CCDC88C: variants seen among roughly 807,000 people sequenced by gnomAD.
CCDC88C encodes the protein coiled-coil and HOOK domain protein 88C, also known as protein Daple.
A neutral mutation model predicts 198.8 loss-of-function variants in CCDC88C; 131 were observed. The ratio of observed to expected loss-of-function variants is 0.66; its 90% CI spans 0.57 to 0.76. The LOEUF (loss-of-function observed/expected upper bound fraction) is 0.76, where lower values mean the gene tolerates loss of function less well. Among genes scored for constraint, CCDC88C ranks in the 30% least tolerant of loss-of-function variants. The pLI, the probability that CCDC88C is intolerant of heterozygous loss-of-function variation, is 0.00. For missense variants in CCDC88C, 2,553 were observed against 2,631.6 expected (o/e 0.97, Z 0.65); for synonymous variants, 1,166 against 1,114.7 (o/e 1.05, Z -0.92).
Position 91,338,426 on chromosome 14 carries a change from C to A in CCDC88C, c.891+63G>T. ...CTGTTGAGCTCCTGACCCTCCAGGCCCCGTTACTGGACACTCCAGCCCTGC... is the reference window on the plus strand; with the variant it reads ...CTGTTGAGCTCCTGACCCTCCAGGCACCGTTACTGGACACTCCAGCCCTGC... On this transcript the variant is annotated intron_variant, in intron 9 of 29. Transcript: ENST00000389857. This position sits in a 1 kb window ranked among gnomAD's most constrained non-coding sequence, Gnocchi z 4.8. 5 of 1,401,798 alleles carry A rather than the reference C, an allele frequency of 3.6e-6. No individual in the cohort carries two copies. The highest frequency in any genetic ancestry group is 1.2e-5 in the South Asian group (1 of 80,966). The allele number at this position is 1,401,798 out of a possible 1,614,324, so 86.8% of individuals were successfully genotyped here.
chr14:91,279,109 A>T, intron 28 of CCDC88C, 129 bp downstream of exon 28: 1 of 729,388 alleles, frequency 1.4e-6, no homozygotes, highest in Non-Finnish European at 2.4e-6. Context: ...CATGTTTCCC[A>T]GGCTGGTTTC....
intron 10 of CCDC88C, among the ~76,000 whole-genome samples, chr14:91,327,150 T>A (rs1457168898): frequency 7.2e-5 from 11 of 152,230 alleles, no homozygotes; most frequent in Admixed American, 7.2e-4. Flanking sequence ...GCCAGGAACG[T>A]GTACGCTTCT....
chr14:91,289,192 T>C lies in CCDC88C; in HGVS notation c.4354A>G (p.Arg1452Gly). 6.2e-7 allele frequency: 1 copy of C among 1,613,968 alleles called. No homozygotes were observed. Among genetic ancestry groups the C allele is most frequent in the Admixed American group, 1.7e-5 (1 of 60,024 alleles). Residue 1452 changes from arginine (R) to glycine (G), a missense_variant, in exon 25 of 30, where the codon AGA becomes GGA. Physicochemically the swap from Arg to Gly is moderately radical, Grantham distance 125 (BLOSUM62 -2). This residue lies in a region of CCDC88C where 1,293 missense variants were observed against 1,219.6 expected (regional missense o/e 1.06). Transcript: ENST00000389857. ...PASPAASQPL[R>G]SQAENPDTPA... The stretch of plus-strand genomic sequence containing the variant: ...GTGTCGGGGTTCTCGGCCTGTGATC[T>C]GAGCGGCTGAGAGGCCGCCGGCGAG...
chr14:91,412,635 CTG>C (rs1180780210), intron 2 of CCDC88C, among the ~76,000 whole-genome samples: 1 of 152,030 alleles, frequency 6.6e-6, no homozygotes, highest in East Asian at 1.9e-4. Context: ...CGGGGTTTCA[CTG>C]TGTTAGCCAG....
At chr14:91,310,963 C>T (rs1891793786) in intron 15 of CCDC88C, among the ~76,000 whole-genome samples, 2 of 152,224 alleles carry the variant, frequency 1.3e-5, no homozygotes, top group Non-Finnish European at 2.9e-5. Context: ...AGCCAGGTCA[C>T]CAGCTCTGGC....
chr14:91,274,258 AG>A (rs1567044054), intron 29 of CCDC88C, among the ~76,000 whole-genome samples: 1 of 152,094 alleles, frequency 6.6e-6, no homozygotes, highest in African/African-American at 2.4e-5. Context: ...AGGGTCCAGA[AG>A]GGGGAATGGT....
chr14:91,389,640 G>C (rs1222656469), intron 3 of CCDC88C, among the ~76,000 whole-genome samples: 1 of 151,666 alleles, frequency 6.6e-6, no homozygotes, highest in Non-Finnish European at 1.5e-5. Context: ...AGCACTTTGG[G>C]AGGCCGAGGC....
intron 20 of CCDC88C, among the ~76,000 whole-genome samples, chr14:91,302,697 G>A (rs1321062223): frequency 6.6e-6 from 1 of 152,220 alleles, no homozygotes; most frequent in Non-Finnish European, 1.5e-5. Context: ...ACTGTCGAGA[G>A]TGCATGATGC....
chr14:91,289,203 G>C lies in CCDC88C; in HGVS notation c.4343C>G (p.Ser1448Cys), dbSNP rs1269234424. 1.2e-6 allele frequency: 2 copies of C among 1,614,032 alleles called. No individual in the cohort carries two copies. The highest frequency in any genetic ancestry group is 1.7e-6 in the Non-Finnish European group (2 of 1,179,890). ...ESSDPASPAA[S>C]QPLRSQAENP... ...CTCGGCCTGTGATCTGAGCGGCTGAGAGGCCGCCGGCGAGGCGGGGTCTGA... is the reference window on the plus strand; with the variant it reads ...CTCGGCCTGTGATCTGAGCGGCTGACAGGCCGCCGGCGAGGCGGGGTCTGA... Residue 1448 changes from serine to cysteine, a missense_variant, in exon 25 of 30, where the codon TCT becomes TGT. Ser to Cys is a moderately radical substitution (Grantham distance 112). Around this residue, in one of 2 missense-constraint regions of CCDC88C, gnomAD observed 1,293 missense variants for 1,219.6 expected, o/e 1.06. Coordinates refer to ENST00000389857, the MANE Select transcript of CCDC88C (RefSeq NM_001080414.4).
In CCDC88C at chr14:91,352,945, G is replaced by T. The variant is rs2139890028; in HGVS notation, c.340+6697C>A. Among the ~76,000 whole-genome samples the T allele has an allele frequency of 6.6e-6, 1 of 152,340 alleles. No homozygotes were observed. Among genetic ancestry groups the T allele is most frequent in the South Asian group, 2.1e-4 (1 of 4,830 alleles). On this transcript the variant is annotated intron_variant, in intron 4 of 29. Transcript: ENST00000389857. This position sits in a 1 kb window ranked among gnomAD's most constrained non-coding sequence, Gnocchi z 4.2. ...GGGTTGCCAGGATGGAGGTCAGTAA[G>T]CCTGGGGCACACCCAGCCCTCACAA...
intron 10 of CCDC88C, among the ~76,000 whole-genome samples, chr14:91,329,694 TTTCCTCATCTGA>T (rs1892732455): frequency 6.6e-6 from 1 of 152,234 alleles, no homozygotes; most frequent in East Asian, 1.9e-4. Flanking sequence ...CAATTGTCAG[TTTCCTCATCTGA>T]AAAGAGGGGA....
chr14:91,276,918 G>A (rs1596012835), intron 29 of CCDC88C, among the ~76,000 whole-genome samples: 1 of 152,240 alleles, frequency 6.6e-6, no homozygotes, highest in Admixed American at 6.5e-5. Context: ...GCCAAATCCA[G>A]CTAGCCGCCT....
intron 2 of CCDC88C, among the ~76,000 whole-genome samples, chr14:91,410,383 G>A (rs1164480875): frequency 1.3e-5 from 2 of 152,116 alleles, no homozygotes. Flanking sequence ...GGGAGTTAAG[G>A]AAATCAATCT....
chr14:91,387,720 G>A (rs373138195), intron 3 of CCDC88C, among the ~76,000 whole-genome samples: 10 of 152,328 alleles, frequency 6.6e-5, no homozygotes, highest in African/African-American at 2.4e-4. Context: ...AAGATTCCTG[G>A]TTGATGCCTG....
At chr14:91,398,611 C>T (rs1240769011) in intron 3 of CCDC88C, among the ~76,000 whole-genome samples, 1 of 152,100 alleles carries the variant, frequency 6.6e-6, no homozygotes, top group Non-Finnish European at 1.5e-5. Flanking sequence ...GAGCTATGAT[C>T]GCGCCACTGC....
At chr14:91,340,806 A>G (rs1229800522) in intron 6 of CCDC88C, among the ~76,000 whole-genome samples, 1 of 152,198 alleles carries the variant, frequency 6.6e-6, no homozygotes, top group Admixed American at 6.5e-5. Flanking sequence ...AAAAAAACTC[A>G]GCTTGAGCAA....
chr14:91,287,389 C>T (rs1296682048), intron 25 of CCDC88C, among the ~76,000 whole-genome samples: 8 of 152,170 alleles, frequency 5.3e-5, no homozygotes, highest in Admixed American at 2.0e-4. Flanking sequence ...GTCACTCTGT[C>T]ACCCAGGCTG....
chr14:91,370,613 A>G (rs1172376463), intron 3 of CCDC88C, among the ~76,000 whole-genome samples: 1 of 152,208 alleles, frequency 6.6e-6, no homozygotes, highest in Admixed American at 6.5e-5. Context: ...CTCTGCCCAT[A>G]AACAGTAGTT....
rs182657584 is a variant in CCDC88C at position 91,395,026 on chromosome 14, A to G, written c.270+13633T>C. Among the ~76,000 whole-genome samples the G allele has an allele frequency of 5.9e-5, 9 of 152,010 alleles. No individual in the cohort carries two copies. The East Asian group carries it at 1.7e-3, about 29-fold the overall frequency. On this transcript the variant is annotated intron_variant, in intron 3 of 29. Transcript: ENST00000389857. ...AGGCCTTTGTAGAACCCCTCCTACA[A>G]CCCTCCCAGGCTGGCACTATTAATA...
Sources: gnomAD v4.1 joint callset for allele counts (sites outside exome capture counted in the v4.1 genomes callset) on GRCh38, gnomAD v4.1.1 for gene constraint, gnomAD v4.1.1 regional missense constraint, Gnocchi (gnomAD v3.1) non-coding constraint, MANE v1.5 for transcripts, NCBI Gene and HGNC (gene_info 2026-07-23, HGNC 2026-07-21) for gene names.